Variants in MYO15A observed in about 807,000 individuals in gnomAD.
MYO15A encodes unconventional myosin-XV.
Under a neutral mutation model 394.6 loss-of-function variants are expected in MYO15A, and 308 were observed. That is an observed-to-expected ratio of 0.78 (90% CI 0.71 to 0.86). The LOEUF (loss-of-function observed/expected upper bound fraction) is 0.86, where lower values mean the gene tolerates loss of function less well. Ranked by LOEUF, MYO15A falls within the 40% of genes least tolerant of loss-of-function variation. MYO15A has a pLI of 0.00. For missense variants in MYO15A, 4,606 were observed against 4,799.1 expected, an observed-to-expected ratio of 0.96 and a Z score of 1.19; for synonymous variants, 1,957 against 2,003.8, an observed-to-expected ratio of 0.98 and a Z score of 0.62.
chr17:18,116,957 T>G (rs900788547), intron 1 of MYO15A, among the ~76,000 whole-genome samples: 5 of 149,384 alleles, frequency 3.3e-5, no homozygotes, highest in Admixed American at 6.7e-5. Context: ...ACATTGCCCC[T>G]GTCCTTCATT....
At position 18,148,763 on chromosome 17, in the gene MYO15A, G is replaced by A. The variant is rs1343164320; in HGVS notation, c.6767G>A (p.Gly2256Glu). 2 of 1,597,192 alleles carry A rather than the reference G, an allele frequency of 1.3e-6. No individual in the cohort carries two copies. The highest frequency in any genetic ancestry group is 2.3e-5 in the South Asian group (2 of 88,372). ...EVAGDILRHRGLADGWRGWTV... is the reference protein window; with the variant it reads ...EVAGDILRHRELADGWRGWTV... ...ATTCCTGTGCATGCCATCACCAGGG[G>A]GCTGGCAGATGGCTGGCGCGGCTGG... Residue 2256 changes from glycine to glutamate, a missense_variant and splice_region_variant, in exon 33 of 66, where the codon GGG becomes GAG. By Grantham distance (98) the Gly-to-Glu change is moderately conservative. Around this residue, in one of 2 missense-constraint regions of MYO15A, gnomAD observed 2,776 missense variants for 3,109.3 expected, o/e 0.89. Transcript: ENST00000647165. This position sits in a 1 kb window ranked among gnomAD's most constrained non-coding sequence, Gnocchi z 4.8.
Position 18,120,034 on chromosome 17 carries a change from C to T in MYO15A, c.1234C>T (p.Pro412Ser), listed in dbSNP as rs202081139. 6.2e-7 allele frequency: 1 copy of T among 1,613,586 alleles called. No homozygotes were observed. Among genetic ancestry groups the T allele is most frequent in the Non-Finnish European group, 8.5e-7 (1 of 1,180,008 alleles). ...GGAGTCGGCTTCGGCCTTTGTGTAC[C>T]CCTGGGTACCACCGCCCATCCCGTC... Reference protein sequence around the residue: ...PEESASAFVYPWVPPPIPSPH... With the variant: ...PEESASAFVYSWVPPPIPSPH... The change falls in exon 2 of 66, where the codon CCC becomes TCC. Residue 412 changes from proline (P) to serine (S), a missense_variant. By Grantham distance (74) the Pro-to-Ser change is moderately conservative. Transcript: ENST00000647165.
intron 39 of MYO15A, 50 bp downstream of exon 39, chr17:18,151,340 T>C (rs758680431): frequency 2.2e-5 from 36 of 1,614,080 alleles, no homozygotes; most frequent in Middle Eastern, 1.6e-4. Flanking sequence ...GGCCTGGTGG[T>C]GTGGTTGTGC....
intron 1 of MYO15A, among the ~76,000 whole-genome samples, chr17:18,112,515 C>A (rs1157358159): frequency 6.6e-6 from 1 of 152,168 alleles, no homozygotes; most frequent in African/African-American, 2.4e-5. Flanking sequence ...TCTGCCTCAG[C>A]CACCACACTG....
intron 22 of MYO15A, 129 bp from the exon 23 acceptor site, chr17:18,141,524 T>G (rs1049394282): frequency 1.1e-6 from 1 of 899,648 alleles, no homozygotes; most frequent in Admixed American, 1.8e-5. Context: ...CAGATTAGAA[T>G]AAACTATTTG....
intron 2 of MYO15A, 138 bp from the exon 3 acceptor site, chr17:18,124,344 AG>A: frequency 1.3e-6 from 1 of 787,012 alleles, no homozygotes; most frequent in South Asian, 1.5e-5. Context: ...TTCTGTAATG[AG>A]GAGACCTGCA....
In MYO15A at chr17:18,148,113, G is replaced by C; in HGVS notation, c.6594G>C (p.Gln2198His). 6.2e-7 allele frequency: 1 copy of C among 1,613,870 alleles called. No individual in the cohort carries two copies. The highest frequency in any genetic ancestry group is 8.5e-7 in the Non-Finnish European group (1 of 1,180,046). ...AGGCCATGGGCCGGGCCCAACAGCA[G>C]GGCTCGGGGGCTGCCCGCACCTTAC... The part of the protein sequence containing the change: ...LMQAMGRAQQ[Q>H]GSGAARTLPP... The change falls in exon 31 of 66, where the codon CAG becomes CAC. Residue 2198 changes from glutamine to histidine, a missense_variant. By Grantham distance (24) the Gln-to-His change is conservative (BLOSUM62 0). Transcript: ENST00000647165. The surrounding 1 kb of genome is among the most constrained non-coding windows in gnomAD (Gnocchi z 4.8).
intron 10 of MYO15A, 35 bp downstream of exon 10, chr17:18,131,566 A>G: frequency 6.2e-7 from 1 of 1,612,610 alleles, no homozygotes; most frequent in Non-Finnish European, 8.5e-7. Context: ...TGTGTTGGGC[A>G]GGGTCGGGGT....
In MYO15A at chr17:18,132,644, G is replaced by A. The variant is rs547670150; in HGVS notation, c.4320+78G>A. 110 of 1,155,100 alleles carry A rather than the reference G, an allele frequency of 9.5e-5. 3 individuals carry two copies. In the South Asian group the frequency reaches 1.0e-3, roughly 11 times the overall value. The allele number at this position is 1,155,100 out of a possible 1,614,324, so 71.6% of individuals were successfully genotyped here. A position where few individuals can be genotyped will look rare whatever the true frequency, so the allele number is the denominator to read the frequency against. ...CGCCCCTGGCTGGGCCTTGGGAGCC[G>A]AGTTGTGAGTGATGGAGTGTGAAGG... On this transcript the variant is annotated intron_variant, in intron 11 of 65. Transcript: ENST00000647165. This position sits in a 1 kb window ranked among gnomAD's most constrained non-coding sequence, Gnocchi z 4.6.
rs910010797 is a variant in MYO15A, at chr17:18,153,936, G to A, written c.8088+40G>A. The A allele has an allele frequency of 1.1e-5, 18 of 1,612,376 alleles. No homozygotes were observed. Among genetic ancestry groups the A allele is most frequent in the Non-Finnish European group, 1.4e-5 (17 of 1,179,474 alleles). Reference sequence around the variant, plus strand: ...CGTAGCCAGGGGAGGGGCTGAAGCGGGGCAGGGGAGGGGCTGAAGCGAGCA... The same window carrying A: ...CGTAGCCAGGGGAGGGGCTGAAGCGAGGCAGGGGAGGGGCTGAAGCGAGCA... On this transcript the variant is annotated intron_variant, in intron 43 of 65. Transcript: ENST00000647165. This position sits in a 1 kb window ranked among gnomAD's most constrained non-coding sequence, Gnocchi z 4.1.
Position 18,159,645 on chromosome 17 carries a change from A to C in MYO15A, c.9269A>C (p.Gln3090Pro). 6.2e-7 allele frequency: 1 copy of C among 1,614,154 alleles called. No individual in the cohort carries two copies. The highest frequency in any genetic ancestry group is 1.1e-5 in the South Asian group (1 of 91,076). Reference sequence around the variant, plus strand: ...ATGGGGGATGCCCCACTGAAGGGCCAGAGTGACCTGGACGTGCTTTGTAAC... The same window carrying C: ...ATGGGGGATGCCCCACTGAAGGGCCCGAGTGACCTGGACGTGCTTTGTAAC... ...RFMGDAPLKG[Q>P]SDLDVLCNLL... The change falls in exon 55 of 66, where the codon CAG becomes CCG. Residue 3090 changes from glutamine to proline, a missense_variant. Coordinates refer to ENST00000647165, the MANE Select transcript of MYO15A (RefSeq NM_016239.4).
intron 12 of MYO15A, among the ~76,000 whole-genome samples, chr17:18,135,345 T>G (rs922528605): frequency 2.6e-5 from 4 of 152,088 alleles, no homozygotes; most frequent in African/African-American, 4.8e-5. Flanking sequence ...TATTTTTGTT[T>G]TTTTAAGTTT....
At position 18,154,639 on chromosome 17, in the gene MYO15A, G is replaced by T. The variant is rs776374813; in HGVS notation, c.8149-41G>T. On this transcript the variant is annotated intron_variant, in intron 44 of 65. Coordinates refer to ENST00000647165, the MANE Select transcript of MYO15A (RefSeq NM_016239.4). Reference sequence around the variant, plus strand: ...TAGTCCAGCCTGGGTCCCAGCTGGGGGAGTCCCATGTGCTGCCTGCATCAC... The same window carrying T: ...TAGTCCAGCCTGGGTCCCAGCTGGGTGAGTCCCATGTGCTGCCTGCATCAC... 8.1e-6 allele frequency: 13 copies of T among 1,603,422 alleles called. No individual in the cohort carries two copies. The African/African-American group carries it at 1.1e-4, about 13-fold the overall frequency.
rs369279423 is a variant in MYO15A, at chr17:18,121,679, C to T, written c.2879C>T (p.Pro960Leu). ...GGCTTTTCCAGGCCACCCCCTGTGC[C>T]GGAAAACCCCTTTCTCCAGCTCCTG... ...RRGFSRPPPVPENPFLQLLGP... is the reference protein window; with the variant it reads ...RRGFSRPPPVLENPFLQLLGP... The change falls in exon 2 of 66, where the codon CCG becomes CTG. Residue 960 changes from proline (P) to leucine (L), a missense_variant. By Grantham distance (98) the Pro-to-Leu change is moderately conservative. Transcript: ENST00000647165. This position sits in a 1 kb window ranked among gnomAD's most constrained non-coding sequence, Gnocchi z 5.3. 6 of 1,607,406 alleles carry T rather than the reference C, an allele frequency of 3.7e-6. No homozygotes were observed. Among genetic ancestry groups the T allele is most frequent in the East Asian group, 2.2e-5 (1 of 44,732 alleles).
rs979901191 is a variant in MYO15A, at chr17:18,151,570, T to C, written c.7787+43T>C. On this transcript the variant is annotated intron_variant, in intron 40 of 65. Coordinates refer to ENST00000647165, the MANE Select transcript of MYO15A (RefSeq NM_016239.4). ...CCCCAGCCCGCCAGCCCCCTCACTG[T>C]ACCTGAGTGTCCATCATGGCCCACC... 3.7e-6 allele frequency: 6 copies of C among 1,611,052 alleles called. No homozygotes were observed. In the African/African-American group the frequency reaches 5.3e-5, roughly 14 times the overall value.
chr17:18,175,874 C>A (rs1373298851), intron 65 of MYO15A, among the ~76,000 whole-genome samples: 1 of 152,086 alleles, frequency 6.6e-6, no homozygotes, highest in African/African-American at 2.4e-5. Context: ...TCTCCCACCT[C>A]CCCCATCTCT....
Position 18,119,066 on chromosome 17 carries a change from A to C in MYO15A, c.266A>C (p.Gln89Pro), listed in dbSNP as rs2142237084. Residue 89 changes from glutamine to proline, a missense_variant, in exon 2 of 66, where the codon CAG becomes CCG. Coordinates refer to ENST00000647165, the MANE Select transcript of MYO15A (RefSeq NM_016239.4). ...AAGTCCACGTCAAAGCTCATGACGC[A>C]GATGCGCATGGGCAAGAAGAAGCGG... ...VLKSTSKLMT[Q>P]MRMGKKKRAM... 11 of 1,612,276 alleles carry C rather than the reference A, an allele frequency of 6.8e-6. No homozygotes were observed. Among genetic ancestry groups the C allele is most frequent in the Non-Finnish European group, 9.3e-6 (11 of 1,179,740 alleles).
At chr17:18,155,533 C>T (rs998425583) in intron 47 of MYO15A, 101 bp downstream of exon 47, 15 of 1,122,588 alleles carry the variant, frequency 1.3e-5, no homozygotes, top group East Asian at 4.7e-5. Context: ...ACCCATGATG[C>T]GCCAGGCTCT....
rs764527969 is a variant in MYO15A, at chr17:18,121,082, C to T, written c.2282C>T (p.Ser761Phe). The change falls in exon 2 of 66, where the codon TCT (serine) becomes TTT (phenylalanine). Residue 761 changes from serine to phenylalanine, a missense_variant. Coordinates refer to ENST00000647165, the MANE Select transcript of MYO15A (RefSeq NM_016239.4). This position sits in a 1 kb window ranked among gnomAD's most constrained non-coding sequence, Gnocchi z 5.3. Reference sequence around the variant, plus strand: ...GCGGCTTTCGGCTTCCCCGGGGCCTCTCCACGGGCGTCGCGGAGGCGAGCT... The same window carrying T: ...GCGGCTTTCGGCTTCCCCGGGGCCTTTCCACGGGCGTCGCGGAGGCGAGCT... ...RGAAFGFPGASPRASRRRAWS... is the reference protein window; with the variant it reads ...RGAAFGFPGAFPRASRRRAWS... 6.6e-7 allele frequency: 1 copy of T among 1,505,248 alleles called. No homozygotes were observed. Among genetic ancestry groups the T allele is most frequent in the South Asian group, 1.2e-5 (1 of 81,252 alleles). 93.2% of individuals were successfully genotyped at this position (1,505,248 alleles called of 1,614,324 possible).
Sources: gnomAD v4.1 joint callset for allele counts (sites outside exome capture counted in the v4.1 genomes callset) on GRCh38, gnomAD v4.1.1 for gene constraint, gnomAD v4.1.1 regional missense constraint, Gnocchi (gnomAD v3.1) non-coding constraint, MANE v1.5 for transcripts, NCBI Gene and HGNC (gene_info 2026-07-23, HGNC 2026-07-21) for gene names.